Variants in VPS13A observed in about 807,000 individuals in gnomAD.
The protein encoded by VPS13A is vacuolar protein sorting 13 homolog A.
Under a neutral mutation model 390.9 loss-of-function variants are expected in VPS13A, and 264 were observed. The observed-to-expected ratio is 0.68, with a 90% CI of 0.61 to 0.75. The LOEUF (loss-of-function observed/expected upper bound fraction) is 0.75, where lower values mean the gene tolerates loss of function less well. VPS13A is among the 30% of genes least tolerant of loss of function. VPS13A has a pLI of 0.00. For synonymous variants in VPS13A, 1,231 were observed against 1,227.1 expected, an observed-to-expected ratio of 1.00 and a Z score of -0.07; for missense variants, 3,409 against 3,733.9, an observed-to-expected ratio of 0.91 and a Z score of 2.27.
intron 19 of VPS13A, among the ~76,000 whole-genome samples, chr9:77,245,370 A>G (rs761123545): frequency 1.3e-5 from 2 of 152,250 alleles, no homozygotes; most frequent in Non-Finnish European, 2.9e-5. Context: ...TCTCTGGAGA[A>G]TCTTGAATGT....
rs907792705 is a variant in VPS13A at position 77,417,639 on chromosome 9, C to G, written c.*1633C>G. ...CTTAACAGTAGAGGTAGTCAGAAAG[C>G]TTGCATCAGACTGTCCTCATCCAAA... On this transcript the variant is annotated 3_prime_UTR_variant, in exon 72 of 72. Coordinates refer to ENST00000360280, the MANE Select transcript of VPS13A (RefSeq NM_033305.3). 6.6e-6 allele frequency: 1 copy of G among 152,146 alleles called. No individual in the cohort carries two copies. The highest frequency in any genetic ancestry group is 1.5e-5 in the Non-Finnish European group (1 of 68,038). The allele number at this position is 152,146 out of a possible 1,614,324, so 9.4% of individuals were successfully genotyped here. A position where few individuals can be genotyped will look rare whatever the true frequency, so the allele number is the denominator to read the frequency against.
intron 68 of VPS13A, among the ~76,000 whole-genome samples, chr9:77,395,327 C>A (rs1171840082): frequency 6.6e-6 from 1 of 152,030 alleles, no homozygotes; most frequent in Non-Finnish European, 1.5e-5. Flanking sequence ...GGGAAACGTC[C>A]AATCAGTGGG....
intron 63 of VPS13A, 109 bp downstream of exon 63, chr9:77,369,521 C>T: frequency 1.3e-6 from 1 of 791,648 alleles, no homozygotes; most frequent in Non-Finnish European, 2.2e-6. Context: ...TTTTGGAACA[C>T]ACACAAAAGG....
intron 22 of VPS13A, 58 bp from the exon 23 acceptor site, chr9:77,260,028 G>A (rs1825667131): frequency 9.1e-7 from 1 of 1,100,136 alleles, no homozygotes; most frequent in African/African-American, 1.6e-5. Flanking sequence ...TTTTTAATTA[G>A]TGCACTTAAA....
At chr9:77,219,289 A>G (rs1823042659) in intron 10 of VPS13A, among the ~76,000 whole-genome samples, 1 of 152,218 alleles carries the variant, frequency 6.6e-6, no homozygotes, top group South Asian at 2.1e-4. Context: ...GTCCATATCA[A>G]TGATTAAAAT....
intron 68 of VPS13A, chr9:77,389,856 C>A (rs1833836082): frequency 6.6e-6 from 1 of 152,658 alleles, no homozygotes; most frequent in Non-Finnish European, 1.5e-5. Flanking sequence ...TCTATGTTGT[C>A]TTTGAATCTT....
intron 71 of VPS13A, among the ~76,000 whole-genome samples, chr9:77,412,711 C>T (rs1416756348): frequency 6.6e-6 from 1 of 152,180 alleles, no homozygotes; most frequent in Non-Finnish European, 1.5e-5. Flanking sequence ...CCCTCTCTCA[C>T]CACTCCTATT....
At chr9:77,218,126 TTTTTGGAGACAGAGTCTTGCTCTGTCTCC>T (rs1214206733) in intron 10 of VPS13A, among the ~76,000 whole-genome samples, 1 of 148,568 alleles carries the variant, frequency 6.7e-6, no homozygotes, top group Non-Finnish European at 1.5e-5. Flanking sequence ...TTTTTTTTTT[TTTTTGGAGACAGAGTCTTGCTCTGTCTCC>T]CGGGCTGGAG....
intron 1 of VPS13A, among the ~76,000 whole-genome samples, chr9:77,185,554 A>G (rs1251160513): frequency 6.6e-6 from 1 of 152,134 alleles, no homozygotes; most frequent in Non-Finnish European, 1.5e-5. Context: ...TGGTTATCTA[A>G]GGGTTCTGTG....
chr9:77,240,068 T>A (rs1824383476), intron 19 of VPS13A, among the ~76,000 whole-genome samples: 1 of 152,078 alleles, frequency 6.6e-6, no homozygotes, highest in Non-Finnish European at 1.5e-5. Context: ...ACTTGTGCAT[T>A]TACTACCTTC....
At position 77,316,400 on chromosome 9, in the gene VPS13A, C is replaced by T; in HGVS notation, c.4857C>T (p.Ile1619=). ...TTCCAGTCAAGAGAAAAGGCAAAAT[C>T]ACTACTGTGAGTTAACTATTTGATC... ...PFLPVKRKGK[I]TTVLQPCDLF... Residue 1619 remains isoleucine (I), a synonymous_variant, in exon 39 of 72, where the codon ATC becomes ATT. Coordinates refer to ENST00000360280, the MANE Select transcript of VPS13A (RefSeq NM_033305.3). The T allele has an allele frequency of 6.2e-7, 1 of 1,611,404 alleles. No homozygotes were observed. The highest frequency in any genetic ancestry group is 8.5e-7 in the Non-Finnish European group (1 of 1,177,786).
intron 58 of VPS13A, among the ~76,000 whole-genome samples, chr9:77,359,997 C>T (rs1832053116): frequency 6.6e-6 from 1 of 151,984 alleles, no homozygotes; most frequent in South Asian, 2.1e-4. Context: ...TCACTCACTA[C>T]CCATTCCAAG....
intron 35 of VPS13A, among the ~76,000 whole-genome samples, chr9:77,309,106 G>A (rs1189869547): frequency 6.6e-6 from 1 of 152,182 alleles, no homozygotes; most frequent in African/African-American, 2.4e-5. Context: ...GACATTCTAA[G>A]AGGATTTTGA....
chr9:77,278,488 T>C (rs1226328307), intron 26 of VPS13A, among the ~76,000 whole-genome samples: 1 of 152,194 alleles, frequency 6.6e-6, no homozygotes, highest in African/African-American at 2.4e-5. Context: ...ATTTCTGTAA[T>C]ATTTTTGTTT....
At position 77,308,912 on chromosome 9, in the gene VPS13A, C is replaced by T. The variant is rs186209310; in HGVS notation, c.4114+814C>T. Among the ~76,000 whole-genome samples, 493 of 152,170 alleles carry T rather than the reference C, an allele frequency of 3.2e-3. 2 individuals carry two copies. Among genetic ancestry groups the T allele is most frequent in the Non-Finnish European group, 5.5e-3 (371 of 68,004 alleles). On this transcript the variant is annotated intron_variant, in intron 35 of 71. Transcript: ENST00000360280. ...TTACATTTACAGCATTGTAGGAAAC[C>T]CCACCCTTACTAGCTGGAATAATCA...
intron 24 of VPS13A, among the ~76,000 whole-genome samples, chr9:77,273,672 GA>G (rs2131326194): frequency 6.6e-6 from 1 of 152,278 alleles, no homozygotes; most frequent in East Asian, 1.9e-4. Context: ...GGGCTTCAGG[GA>G]TAGGGGTTGC....
chr9:77,375,802 C>T (rs1227900780), intron 67 of VPS13A, among the ~76,000 whole-genome samples: 2 of 152,156 alleles, frequency 1.3e-5, no homozygotes, highest in Non-Finnish European at 2.9e-5. Context: ...TTTTAGGGAG[C>T]ATTGTCTATG....
chr9:77,410,780 C>T (rs1228547705), intron 71 of VPS13A, among the ~76,000 whole-genome samples: 2 of 152,046 alleles, frequency 1.3e-5, no homozygotes, highest in Admixed American at 6.5e-5. Context: ...ACAGGAGCAC[C>T]CAGATTCATA....
At chr9:77,351,099 C>G (rs1168324238) in intron 52 of VPS13A, 2 of 468,948 alleles carry the variant, frequency 4.3e-6, no homozygotes, top group Non-Finnish European at 7.5e-6. Flanking sequence ...ACCTTTATTT[C>G]CTAAGTAGAA....
Sources: allele counts gnomAD v4.1 joint callset (sites outside exome capture counted in the v4.1 genomes callset), GRCh38; gene constraint gnomAD v4.1.1; transcripts MANE v1.5; gene names NCBI Gene and HGNC (gene_info 2026-07-23, HGNC 2026-07-21).